Variants in MRPL43 observed in about 807,000 individuals in gnomAD.
The protein encoded by MRPL43 is large ribosomal subunit protein mL43.
In MRPL43, 9 loss-of-function variants were observed where a neutral mutation model predicts 12.7. The observed-to-expected ratio is 0.71, with a 90% CI of 0.43 to 1.24. The LOEUF (loss-of-function observed/expected upper bound fraction) is 1.24, where lower values mean the gene tolerates loss of function less well. Among genes scored for constraint, MRPL43 ranks in the 50% most tolerant of loss-of-function variants. The pLI is 0.00. For synonymous variants in MRPL43, 116 were observed against 96.4 expected, an observed-to-expected ratio of 1.20 and a Z score of -1.19; for missense variants, 211 against 229.2, an observed-to-expected ratio of 0.92 and a Z score of 0.51.
chr10:100,980,855 A>G (rs113498503), downstream of MRPL43: 2,134 of 1,599,454 alleles, frequency 1.3e-3, 29 homozygotes, highest in African/African-American at 0.026. Context: ...TAGCGGAGTC[A>G]TCCAGCTACC....
At chr10:100,978,791 G>A, downstream of MRPL43, 1 of 1,593,404 alleles carries the variant, frequency 6.3e-7, no homozygotes, top group Non-Finnish European at 8.6e-7. Flanking sequence ...CAGCCTCAGA[G>A]TGAGGGAAAG....
Position 100,987,343 on chromosome 10 carries a change from C to T in MRPL43, c.101G>A (p.Ser34Asn), listed in dbSNP as rs1425419038. The T allele has an allele frequency of 6.2e-7, 1 of 1,612,526 alleles. No individual in the cohort carries two copies. Among genetic ancestry groups the T allele is most frequent in the Non-Finnish European group, 8.5e-7 (1 of 1,179,854 alleles). Residue 34 changes from serine (S) to asparagine (N), a missense_variant, in exon 1 of 3, where the codon AGC (serine) becomes AAC (asparagine). By Grantham distance (46) the Ser-to-Asn change is conservative (BLOSUM62 1). Coordinates refer to ENST00000318364, the MANE Select transcript of MRPL43 (RefSeq NM_032112.3). The part of the protein sequence containing the change: ...QQLQRLSFSV[S>N]RDGASSRGAR... ...GCCGCGAGACGAGGCGCCGTCGCGG[C>T]TGACGCTGAAGCTCAGACGCTGCAG...
rs1564803899 is a variant in MRPL43 at position 100,986,739 on chromosome 10, G to A, written c.475C>T (p.Gln159Ter). 1.2e-6 allele frequency: 2 copies of A among 1,613,978 alleles called. No homozygotes were observed. The highest frequency in any genetic ancestry group is 4.5e-5 in the East Asian group (2 of 44,878). The change falls in exon 3 of 3, where the codon CAG becomes TAG. Residue 159 changes from glutamine (Q) to a stop codon, truncating the protein, a stop_gained. Transcript: ENST00000318364. LOFTEE classifies it high-confidence loss of function. ...GCAGTTGGTGGGGCAACTCTTCACT[G>A]TGCTTGCACCTGGGCTGGGGCAGGA... Reference protein sequence around the residue: ...QDPAPAQVQAQ With the variant: ...QDPAPAQVQA
downstream of MRPL43, chr10:100,980,789 C>A (rs532331884): frequency 1.9e-6 from 3 of 1,555,080 alleles, no homozygotes; most frequent in Non-Finnish European, 2.6e-6. Flanking sequence ...TGAGTGGGGA[C>A]GCTGCCGACC....
chr10:100,985,258 A>T (rs1482005638), downstream of MRPL43: 1 of 200,634 alleles, frequency 5.0e-6, no homozygotes, highest in African/African-American at 2.3e-5. Flanking sequence ...GGGAGTTTGG[A>T]CGCTTAGCTC....
downstream of MRPL43, chr10:100,985,032 G>A (rs540658889): frequency 1.4e-5 from 14 of 983,928 alleles, no homozygotes; most frequent in East Asian, 5.4e-5. Context: ...GGTTTAGTCC[G>A]TGGACATTTC....
downstream of MRPL43, chr10:100,980,341 A>C (rs1354200251): frequency 1.2e-6 from 2 of 1,613,468 alleles, no homozygotes; most frequent in South Asian, 2.2e-5. Flanking sequence ...CTTTCTGGGC[A>C]CAGGTGCTTC....
At chr10:100,987,249 C>A in intron 1 of MRPL43, 53 bp from the exon 2 acceptor site, 3 of 1,612,474 alleles carry the variant, frequency 1.9e-6, no homozygotes, top group South Asian at 2.2e-5. Context: ...GGCGACCTAC[C>A]CGGGGAGTCG....
downstream of MRPL43, chr10:100,981,237 A>C (rs1254015064): frequency 1.2e-6 from 2 of 1,613,808 alleles, no homozygotes; most frequent in Admixed American, 3.3e-5. Flanking sequence ...CAGGTAAGTG[A>C]CTCATATGAG....
At chr10:100,981,688 C>T, downstream of MRPL43, 1 of 994,228 alleles carries the variant, frequency 1.0e-6, no homozygotes, top group Non-Finnish European at 1.5e-6. Flanking sequence ...TTATTATCCC[C>T]ATGAGGGACC....
rs1851485252 is a variant in MRPL43, at chr10:100,986,566, GCAGGCACTGGAAAGAAA to G, written c.*151_*167del. 2 of 1,575,588 alleles carry G rather than the reference GCAGGCACTGGAAAGAAA, an allele frequency of 1.3e-6. No homozygotes were observed. The highest frequency in any genetic ancestry group is 1.7e-6 in the Non-Finnish European group (2 of 1,160,810). On this transcript the variant is annotated 3_prime_UTR_variant, in exon 3 of 3. Transcript: ENST00000318364. Reference sequence around the variant, plus strand: ...GTTCACAAGGTCACTGCCCCCAGAAGCAGGCACTGGAAAGAAACAGGCAGCTCTTCATTATCCCAAGC... The same window carrying G: ...GTTCACAAGGTCACTGCCCCCAGAAGCAGGCAGCTCTTCATTATCCCAAGC...
At position 100,986,929 on chromosome 10, in the gene MRPL43, C is replaced by T. The variant is rs771799776; in HGVS notation, c.285G>A (p.Glu95=). The T allele has an allele frequency of 4.3e-5, 69 of 1,609,774 alleles. No homozygotes were observed. Among genetic ancestry groups the T allele is most frequent in the Non-Finnish European group, 5.3e-5 (63 of 1,180,016 alleles). Residue 95 remains glutamate (E), a synonymous_variant, in exon 3 of 3, where the codon GAG becomes GAA. Transcript: ENST00000318364. ...REESIHCKSV[E]EISTLVQKLA... ...GCTTCTGCACCAGCGTCGAGATCTC[C>T]TCGACCGACTTGCAGTGGATGCTCT... is the stretch of plus-strand genomic sequence containing the variant.
At chr10:100,987,007 C>G in intron 2 of MRPL43, 32 bp from the exon 3 acceptor site, 2 of 1,605,008 alleles carry the variant, frequency 1.2e-6, no homozygotes, top group Non-Finnish European at 1.7e-6. Context: ...TGGGTGGAAG[C>G]TGGCCGGTGC....
rs1851484219 is a variant in MRPL43 at position 100,986,553 on chromosome 10, A to T, written c.*181T>A. On this transcript the variant is annotated 3_prime_UTR_variant, in exon 3 of 3. Coordinates refer to ENST00000318364, the MANE Select transcript of MRPL43 (RefSeq NM_032112.3). ...ATAAAAATGAGTGGTTCACAAGGTC[A>T]CTGCCCCCAGAAGCAGGCACTGGAA... 2 of 1,563,398 alleles carry T rather than the reference A, an allele frequency of 1.3e-6. No individual in the cohort carries two copies. The highest frequency in any genetic ancestry group is 2.3e-5 in the South Asian group (2 of 85,982).
downstream of MRPL43, chr10:100,979,438 A>G (rs1489941739): frequency 2.0e-6 from 3 of 1,522,520 alleles, no homozygotes; most frequent in Non-Finnish European, 2.6e-6. Flanking sequence ...GCTGGAGTGC[A>G]GTGGCGCGAT....
downstream of MRPL43, chr10:100,981,296 G>A (rs368779675): frequency 1.5e-4 from 244 of 1,596,902 alleles, 1 homozygote; most frequent in South Asian, 8.1e-4. Context: ...ACTGCCATGT[G>A]TACGTATATG....
chr10:100,978,824 G>C (rs969239924), downstream of MRPL43: 5 of 1,608,928 alleles, frequency 3.1e-6, no homozygotes, highest in Non-Finnish European at 4.3e-6. Flanking sequence ...TGTCTCAAAA[G>C]CCTCTCAAAC....
downstream of MRPL43, chr10:100,983,459 C>T (rs142773171): frequency 8.9e-5 from 143 of 1,614,104 alleles, no homozygotes; most frequent in African/African-American, 9.6e-4. Flanking sequence ...TGGGCGTGGA[C>T]GGGCTGCTGG....
chr10:100,983,639 G>A (rs1448113201), downstream of MRPL43: 10 of 1,613,786 alleles, frequency 6.2e-6, no homozygotes, highest in Non-Finnish European at 7.6e-6. Context: ...ATGTGAGACT[G>A]CTCTATGTGC....
Sources: gnomAD v4.1 joint callset for allele counts on GRCh38, gnomAD v4.1.1 for gene constraint, MANE v1.5 for transcripts, NCBI Gene and HGNC (gene_info 2026-07-23, HGNC 2026-07-21) for gene names.